The following DCC variants were observed in gnomAD, a reference collection of about 807,000 sequenced individuals.
The protein encoded by DCC is DCC netrin 1 receptor, also known as netrin receptor DCC.
A neutral mutation model predicts 172.5 loss-of-function variants in DCC; 58 were observed. The observed-to-expected ratio is 0.34, with a 90% CI of 0.27 to 0.42. The LOEUF (loss-of-function observed/expected upper bound fraction) is 0.42. DCC is among the 10% of genes least tolerant of loss of function. The pLI, the probability that DCC is intolerant of heterozygous loss-of-function variation, is 1.00. For synonymous variants in DCC, 709 were observed against 644.5 expected (o/e 1.10, Z -1.52); for missense variants, 1,740 against 1,791.0 (o/e 0.97, Z 0.51).
chr18:52,597,068 C>A (rs1323280688), intron 1 of DCC, among the ~76,000 whole-genome samples: 1 of 151,890 alleles, frequency 6.6e-6, no homozygotes, highest in Non-Finnish European at 1.5e-5. Context: ...GAATCTGAGT[C>A]TCCACAAGCA....
chr18:52,636,916 C>T (rs1001560082), intron 1 of DCC, among the ~76,000 whole-genome samples: 1 of 152,138 alleles, frequency 6.6e-6, no homozygotes, highest in Non-Finnish European at 1.5e-5. Flanking sequence ...CTCACTGAGT[C>T]CTGCACCCCC....
intron 1 of DCC, among the ~76,000 whole-genome samples, chr18:52,462,777 TG>T (rs1434974038): frequency 6.6e-6 from 1 of 152,182 alleles, no homozygotes; most frequent in African/African-American, 2.4e-5. Flanking sequence ...TTTTATTATT[TG>T]CTCCAGCCCA....
intron 5 of DCC, among the ~76,000 whole-genome samples, chr18:52,985,261 A>C (rs1380804437): frequency 6.6e-6 from 1 of 152,082 alleles, no homozygotes; most frequent in Admixed American, 6.6e-5. Flanking sequence ...TTCATAAGCA[A>C]TGTTTCAGAA....
chr18:52,741,091 T>A (rs1321686486), intron 1 of DCC, among the ~76,000 whole-genome samples: 1 of 152,228 alleles, frequency 6.6e-6, no homozygotes, highest in Non-Finnish European at 1.5e-5. Context: ...CTTTTGCAAT[T>A]GAAAGTGCCT....
chr18:53,083,033 C>A (rs1202800514), intron 7 of DCC, among the ~76,000 whole-genome samples: 3 of 151,484 alleles, frequency 2.0e-5, no homozygotes, highest in South Asian at 2.1e-4. Context: ...TTTTTTTTTA[C>A]CTTTGCTATT....
At chr18:53,187,420 C>A (rs958511153) in intron 9 of DCC, among the ~76,000 whole-genome samples, 12 of 152,068 alleles carry the variant, frequency 7.9e-5, no homozygotes, top group African/African-American at 2.9e-4. Context: ...CCGTGCCTGG[C>A]TCTATTTCCT....
chr18:52,916,482 G>A (rs1032020583), intron 3 of DCC, among the ~76,000 whole-genome samples: 2 of 152,142 alleles, frequency 1.3e-5, no homozygotes, highest in African/African-American at 4.8e-5. Flanking sequence ...TAGCAAATGA[G>A]ACTTTTTGCT....
intron 2 of DCC, among the ~76,000 whole-genome samples, chr18:52,845,146 A>T (rs1478700452): frequency 6.6e-6 from 1 of 152,198 alleles, no homozygotes; most frequent in Non-Finnish European, 1.5e-5. Flanking sequence ...ACAAAACATA[A>T]GGTTTAAAAG....
intron 1 of DCC, among the ~76,000 whole-genome samples, chr18:52,527,205 T>C (rs2032009270): frequency 2.0e-5 from 3 of 152,236 alleles, no homozygotes; most frequent in African/African-American, 4.8e-5. Context: ...AAGACTAGAA[T>C]ACTAGGTTTA....
At chr18:53,338,642 G>GA (rs533503569) in intron 14 of DCC, among the ~76,000 whole-genome samples, 37 of 151,998 alleles carry the variant, frequency 2.4e-4, no homozygotes, top group Non-Finnish European at 2.2e-4. Context: ...TCAGTGTCCA[G>GA]AAAAAAATAT....
chr18:52,890,233 A>G (rs1394654738), intron 2 of DCC, among the ~76,000 whole-genome samples: 1 of 152,156 alleles, frequency 6.6e-6, no homozygotes. Flanking sequence ...AGAGGATGCA[A>G]TGTTGAGCAA....
At chr18:53,176,344 A>G (rs1160004766) in intron 8 of DCC, among the ~76,000 whole-genome samples, 1 of 136,572 alleles carries the variant, frequency 7.3e-6, no homozygotes, top group Non-Finnish European at 1.6e-5. Flanking sequence ...TAATTAAACT[A>G]AAGAGCTTCT....
At chr18:52,818,883 T>G (rs2038352880) in intron 2 of DCC, among the ~76,000 whole-genome samples, 1 of 152,186 alleles carries the variant, frequency 6.6e-6, no homozygotes, top group South Asian at 2.1e-4. Flanking sequence ...TACAAAAAGT[T>G]AGAGACTTGA....
At chr18:53,310,021 A>G (rs2057248069) in intron 13 of DCC, among the ~76,000 whole-genome samples, 1 of 149,900 alleles carries the variant, frequency 6.7e-6, no homozygotes, top group Non-Finnish European at 1.5e-5. Context: ...AAAAGAGTTA[A>G]TGAACAGCAT....
At chr18:53,048,573 G>T (rs948713817) in intron 5 of DCC, among the ~76,000 whole-genome samples, 1 of 131,508 alleles carries the variant, frequency 7.6e-6, no homozygotes, top group African/African-American at 3.3e-5. Flanking sequence ...ATATGTATGT[G>T]TGTGTATATA....
chr18:53,008,225 A>T (rs1341002171), intron 5 of DCC, among the ~76,000 whole-genome samples: 7 of 152,104 alleles, frequency 4.6e-5, no homozygotes, highest in Admixed American at 4.6e-4. Context: ...GACTTAGATC[A>T]CACTTTCATG....
chr18:53,481,883 C>A (rs2045835742), intron 25 of DCC, among the ~76,000 whole-genome samples: 1 of 152,130 alleles, frequency 6.6e-6, no homozygotes, highest in Non-Finnish European at 1.5e-5. Flanking sequence ...AAATTTTGTG[C>A]ATCAATGTCA....
chr18:53,093,862 T>C (rs1393978247), intron 7 of DCC, among the ~76,000 whole-genome samples: 1 of 152,144 alleles, frequency 6.6e-6, no homozygotes, highest in Non-Finnish European at 1.5e-5. Context: ...CTTGCTCTAC[T>C]CTCTCATCCA....
chr18:53,272,392 A>T (rs1044575502), intron 12 of DCC, among the ~76,000 whole-genome samples: 2 of 152,180 alleles, frequency 1.3e-5, no homozygotes, highest in Non-Finnish European at 2.9e-5. Context: ...CATTCTCATT[A>T]GAGAATGATA....
Sources: gnomAD v4.1 joint callset for allele counts (sites outside exome capture counted in the v4.1 genomes callset) on GRCh38, gnomAD v4.1.1 for gene constraint, MANE v1.5 for transcripts, NCBI Gene and HGNC (gene_info 2026-07-23, HGNC 2026-07-21) for gene names.